DYNC1I1: variants seen among roughly 807,000 people sequenced by gnomAD.
DYNC1I1 encodes the protein dynein cytoplasmic 1 intermediate chain 1, also known as cytoplasmic dynein 1 intermediate chain 1.
In DYNC1I1, 43 loss-of-function variants were observed where a neutral mutation model predicts 86.6. That is an observed-to-expected ratio of 0.50 (90% confidence interval 0.39 to 0.64). The LOEUF (loss-of-function observed/expected upper bound fraction) is 0.64. Ranked by LOEUF, DYNC1I1 falls within the 30% of genes least tolerant of loss-of-function variation. The pLI, the probability that DYNC1I1 is intolerant of heterozygous loss-of-function variation, is 0.00. For missense variants in DYNC1I1, 604 were observed against 788.8 expected (o/e 0.77, Z 2.81); for synonymous variants, 262 against 283.7 (o/e 0.92, Z 0.77).
chr7:96,077,034 T>C (rs1790360919), intron 15 of DYNC1I1, among the ~76,000 whole-genome samples: 1 of 152,160 alleles, frequency 6.6e-6, no homozygotes, highest in African/African-American at 2.4e-5. Context: ...TAAAATGGTC[T>C]CTGCATCACT....
At chr7:95,937,307 A>T (rs1792071783) in intron 6 of DYNC1I1, among the ~76,000 whole-genome samples, 1 of 152,000 alleles carries the variant, frequency 6.6e-6, no homozygotes, top group South Asian at 2.1e-4. Context: ...ATAATAGTGG[A>T]TCTTACATGT....
intron 14 of DYNC1I1, among the ~76,000 whole-genome samples, chr7:96,063,714 A>T (rs1196468831): frequency 1.3e-5 from 2 of 152,224 alleles, no homozygotes; most frequent in Non-Finnish European, 2.9e-5. Flanking sequence ...CACAAACAAC[A>T]GTCTCATATT....
At chr7:95,987,936 C>A (rs1443867689) in intron 9 of DYNC1I1, among the ~76,000 whole-genome samples, 2 of 152,228 alleles carry the variant, frequency 1.3e-5, no homozygotes, top group Non-Finnish European at 2.9e-5. Flanking sequence ...CAGACCCAGT[C>A]TGTCACGAAG....
intron 6 of DYNC1I1, among the ~76,000 whole-genome samples, chr7:95,913,490 A>G (rs1791391213): frequency 6.6e-6 from 1 of 152,194 alleles, no homozygotes; most frequent in African/African-American, 2.4e-5. Context: ...TTCTCGTGAT[A>G]GTGAATAAGT....
At chr7:96,074,058 C>T (rs138662658) in intron 14 of DYNC1I1, among the ~76,000 whole-genome samples, 37 of 152,222 alleles carry the variant, frequency 2.4e-4, no homozygotes, top group African/African-American at 8.2e-4. Context: ...CATACTTTGG[C>T]ATAAAAGAAT....
chr7:96,100,650 TTGTGTGTG>T (rs57129262), downstream of DYNC1I1, among the ~76,000 whole-genome samples: 117 of 142,940 alleles, frequency 8.2e-4, no homozygotes, highest in African/African-American at 2.8e-3. Flanking sequence ...TTTGAGGGTT[TTGTGTGTG>T]TGTGTGTGTG....
chr7:96,039,080 A>T (rs562906419), intron 13 of DYNC1I1, among the ~76,000 whole-genome samples, 197 bp from the exon 14 acceptor site: 1 of 152,356 alleles, frequency 6.6e-6, no homozygotes, highest in East Asian at 1.9e-4. Flanking sequence ...ATTGTTTTTA[A>T]ATAATGAAAA....
intron 4 of DYNC1I1, chr7:95,818,744 A>G: frequency 2.4e-6 from 1 of 419,390 alleles, no homozygotes; most frequent in Non-Finnish European, 4.2e-6. Context: ...TCATGTTTCC[A>G]CCACCAGAGT....
intron 10 of DYNC1I1, among the ~76,000 whole-genome samples, chr7:96,002,236 G>A (rs184392707): frequency 6.4e-4 from 97 of 152,182 alleles, no homozygotes; most frequent in Middle Eastern, 3.4e-3. Context: ...TATTGCCTAG[G>A]CCCTGTTCAC....
intron 5 of DYNC1I1, among the ~76,000 whole-genome samples, chr7:95,852,269 T>C (rs1789599004): frequency 6.6e-6 from 1 of 152,010 alleles, no homozygotes; most frequent in Non-Finnish European, 1.5e-5. Context: ...TATCCATTTC[T>C]TTTGGGTTAT....
chr7:95,995,249 AAAATAAATAAATAAAT>A (rs71127433), intron 9 of DYNC1I1, among the ~76,000 whole-genome samples: 2 of 143,130 alleles, frequency 1.4e-5, no homozygotes, highest in Admixed American at 7.1e-5. Flanking sequence ...TCCATCTCAA[AAAATAAATAAATAAAT>A]AAATAAATAA....
chr7:95,812,785 G>A (rs1584246084), intron 3 of DYNC1I1, among the ~76,000 whole-genome samples: 1 of 152,106 alleles, frequency 6.6e-6, no homozygotes, highest in African/African-American at 2.4e-5. Context: ...TTTTCTGACT[G>A]TCCTTGACCA....
intron 16 of DYNC1I1, among the ~76,000 whole-genome samples, chr7:96,105,556 T>G (rs1211916841): frequency 6.6e-6 from 1 of 152,334 alleles, no homozygotes; most frequent in East Asian, 1.9e-4. Context: ...CTTTATTTGC[T>G]AGTAATTTCT....
intron 10 of DYNC1I1, among the ~76,000 whole-genome samples, chr7:96,003,847 A>G (rs1794076117): frequency 6.6e-6 from 1 of 152,028 alleles, no homozygotes; most frequent in East Asian, 1.9e-4. Flanking sequence ...CAGACCATCT[A>G]TTTTTTAAAA....
intron 13 of DYNC1I1, among the ~76,000 whole-genome samples, chr7:96,036,927 G>A (rs111567783): frequency 2.2e-3 from 332 of 152,252 alleles, no homozygotes; most frequent in African/African-American, 7.5e-3. Flanking sequence ...TGTTCACACT[G>A]GTGCTTAATT....
intron 4 of DYNC1I1, chr7:95,818,761 C>T: frequency 2.5e-6 from 1 of 402,884 alleles, no homozygotes; most frequent in South Asian, 1.0e-4. Context: ...GAGTAGCACT[C>T]TTAGCACCTT....
At chr7:96,095,407 T>C (rs944680355) in intron 16 of DYNC1I1, among the ~76,000 whole-genome samples, 1 of 152,150 alleles carries the variant, frequency 6.6e-6, no homozygotes, top group South Asian at 2.1e-4. Context: ...ACATATTGCA[T>C]AGGTCATCAT....
intron 16 of DYNC1I1, among the ~76,000 whole-genome samples, chr7:96,107,349 T>C (rs1372576403): frequency 1.3e-5 from 2 of 151,778 alleles, no homozygotes; most frequent in Non-Finnish European, 2.9e-5. Flanking sequence ...TTCATACGTT[T>C]TGAAGGTCTG....
At chr7:95,925,572 T>G (rs1791723851) in intron 6 of DYNC1I1, among the ~76,000 whole-genome samples, 1 of 152,224 alleles carries the variant, frequency 6.6e-6, no homozygotes, top group Non-Finnish European at 1.5e-5. Context: ...GTTGCGGGCA[T>G]GAGTCTGTCT....
Sources: gnomAD v4.1 joint callset for allele counts (sites outside exome capture counted in the v4.1 genomes callset) on GRCh38, gnomAD v4.1.1 for gene constraint, MANE v1.5 for transcripts, NCBI Gene and HGNC (gene_info 2026-07-23, HGNC 2026-07-21) for gene names.